The following PIN1 variants were observed in gnomAD, a reference collection of about 807,000 sequenced individuals.
The protein encoded by PIN1 is peptidylprolyl cis/trans isomerase, NIMA-interacting 1.
Under a neutral mutation model 19.9 loss-of-function variants are expected in PIN1, and 8 were observed. The observed-to-expected ratio is 0.40, with a 90% CI of 0.24 to 0.72. The LOEUF is 0.72. Among genes scored for constraint, PIN1 ranks in the 30% least tolerant of loss-of-function variants. PIN1 has a pLI of 0.37. For synonymous variants in PIN1, 86 were observed against 90.8 expected (o/e 0.95, Z 0.30); for missense variants, 185 against 226.5 (o/e 0.82, Z 1.18).
intron 2 of PIN1, among the ~76,000 whole-genome samples, chr19:9,847,109 CCTG>C (rs938606770): frequency 1.3e-5 from 2 of 152,124 alleles, no homozygotes; most frequent in African/African-American, 4.8e-5. Flanking sequence ...AGCCATTCCT[CCTG>C]ACCTGGCACG....
rs2046238797 is a variant in PIN1 at position 9,848,033 on chromosome 19, A to G, written c.275A>G (p.Tyr92Cys). Residue 92 changes from tyrosine to cysteine, a missense_variant, in exon 3 of 4, where the codon TAC becomes TGC. Coordinates refer to ENST00000247970, the MANE Select transcript of PIN1 (RefSeq NM_006221.4). ...KEEALELING[Y>C]IQKIKSGEED... ...CCATTCCGTTCCATGTCCACAGGCT[A>G]CATCCAGAAGATCAAGTCGGGAGAG... 2 of 1,601,154 alleles carry G rather than the reference A, an allele frequency of 1.2e-6. No homozygotes were observed. Among genetic ancestry groups the G allele is most frequent in the Non-Finnish European group, 1.7e-6 (2 of 1,168,462 alleles).
At chr19:9,848,302 G>A in intron 3 of PIN1, 162 bp downstream of exon 3, 1 of 627,980 alleles carries the variant, frequency 1.6e-6, no homozygotes, top group South Asian at 1.8e-5. Context: ...CTGCTCTGCT[G>A]GGCAGGGCCA....
Position 9,849,136 on chromosome 19 carries a change from G to T in PIN1, c.429G>T (p.Thr143=), listed in dbSNP as rs756093290. The stretch of plus-strand genomic sequence containing the variant: ...AAGACGCCTCGTTTGCGCTGCGGAC[G>T]GGGGAGATGAGCGGGCCCGTGTTCA... ...PFEDASFALR[T]GEMSGPVFTD... Residue 143 remains threonine (T), a synonymous_variant, in exon 4 of 4, where the codon ACG becomes ACT. Transcript: ENST00000247970. 6.2e-7 allele frequency: 1 copy of T among 1,613,630 alleles called. No individual in the cohort carries two copies. The highest frequency in any genetic ancestry group is 1.1e-5 in the South Asian group (1 of 91,074).
rs146070893 is a variant in PIN1 at position 9,843,524 on chromosome 19, G to C, written c.272-4506G>C. Among the ~76,000 whole-genome samples, 345 of 152,354 alleles carry C rather than the reference G, an allele frequency of 2.3e-3. 1 individual carries two copies. The highest frequency in any genetic ancestry group is 2.7e-3 in the South Asian group (13 of 4,830). ...CTAGGTCACTGATGTGCATTAGCTTGGACTGTTGTAACAAAATATCACAGA... is the reference window on the plus strand; with the variant it reads ...CTAGGTCACTGATGTGCATTAGCTTCGACTGTTGTAACAAAATATCACAGA... On this transcript the variant is annotated intron_variant, in intron 2 of 3. Transcript: ENST00000247970.
intron 1 of PIN1, chr19:9,837,311 G>A (rs1279616191): frequency 3.0e-5 from 5 of 165,324 alleles, no homozygotes; most frequent in South Asian, 2.6e-4. Context: ...CTGCCACCAC[G>A]TCTGGCTAAT....
At chr19:9,839,427 A>AG (rs970998086) in intron 2 of PIN1, among the ~76,000 whole-genome samples, 1 of 152,000 alleles carries the variant, frequency 6.6e-6, no homozygotes, top group African/African-American at 2.4e-5. Context: ...AAAAAAAAAA[A>AG]AAAAAAGAGG....
rs762849503 is a variant in PIN1 at position 9,849,448 on chromosome 19, G to A, written c.*249G>A. Reference sequence around the variant, plus strand: ...AAGGAATTGACTTCAGCAGGGGTGGGAGGCTCCCAGACCCAGGGCAGTGTG... The same window carrying A: ...AAGGAATTGACTTCAGCAGGGGTGGAAGGCTCCCAGACCCAGGGCAGTGTG... On this transcript the variant is annotated 3_prime_UTR_variant, in exon 4 of 4. Transcript: ENST00000247970. 8.2e-6 allele frequency: 6 copies of A among 731,216 alleles called. No homozygotes were observed. Among genetic ancestry groups the A allele is most frequent in the Non-Finnish European group, 1.5e-5 (6 of 396,164 alleles). The allele number at this position is 731,216 out of a possible 1,614,324, so 45.3% of individuals were successfully genotyped here.
intron 3 of PIN1, 47 bp from the exon 4 acceptor site, chr19:9,849,043 T>G (rs1219353633): frequency 7.6e-7 from 1 of 1,315,042 alleles, no homozygotes; most frequent in Non-Finnish European, 1.1e-6. Flanking sequence ...CATCCTGGCC[T>G]CTGCCAGCCC....
chr19:9,846,984 C>A lies in PIN1; in HGVS notation c.272-1046C>A, dbSNP rs962901770. ...CTTGCTGGGGCTGTCGCACCACTGG[C>A]CTAGGGAGGACACTGGAAGGGACGC... On this transcript the variant is annotated intron_variant, in intron 2 of 3. Transcript: ENST00000247970. This position sits in a 1 kb window ranked among gnomAD's most constrained non-coding sequence, Gnocchi z 5.9. Among the ~76,000 whole-genome samples the A allele has an allele frequency of 6.6e-6, 1 of 152,058 alleles. No homozygotes were observed. The highest frequency in any genetic ancestry group is 2.4e-5 in the African/African-American group (1 of 41,394).
intron 2 of PIN1, among the ~76,000 whole-genome samples, chr19:9,847,175 C>A (rs2046227084): frequency 6.6e-6 from 1 of 152,112 alleles, no homozygotes; most frequent in Non-Finnish European, 1.5e-5. Context: ...CCACACACAC[C>A]ACGTGCACAC....
chr19:9,836,896 T>C, intron 1 of PIN1: 4 of 1,264,126 alleles, frequency 3.2e-6, no homozygotes, highest in Non-Finnish European at 4.1e-6. Context: ...CGTTTTGCCA[T>C]CTATACAATA....
chr19:9,835,464 C>T (rs1006100071), intron 1 of PIN1, 62 bp downstream of exon 1: 2 of 1,202,884 alleles, frequency 1.7e-6, no homozygotes, highest in Non-Finnish European at 1.1e-6. Flanking sequence ...GGCTCGAGCT[C>T]GCCCCTTGGG....
At chr19:9,844,289 A>G (rs2046197559) in intron 2 of PIN1, among the ~76,000 whole-genome samples, 1 of 152,188 alleles carries the variant, frequency 6.6e-6, no homozygotes, top group Non-Finnish European at 1.5e-5. Flanking sequence ...ACTCCTTGGA[A>G]CAGGCTCCAA....
At chr19:9,842,754 C>T (rs751634998) in intron 2 of PIN1, among the ~76,000 whole-genome samples, 25 of 152,320 alleles carry the variant, frequency 1.6e-4, no homozygotes, top group Non-Finnish European at 3.1e-4. Context: ...TGTGCAGTGT[C>T]GGCGCAGGCA....
Position 9,849,082 on chromosome 19 carries a change from G to T in PIN1, c.383-8G>T, listed in dbSNP as rs1186603884. The T allele has an allele frequency of 1.9e-6, 3 of 1,606,018 alleles. No individual in the cohort carries two copies. Among genetic ancestry groups the T allele is most frequent in the Middle Eastern group, 1.7e-4 (1 of 6,050 alleles). On this transcript the variant is annotated splice_polypyrimidine_tract_variant and splice_region_variant and intron_variant, in intron 3 of 3. Coordinates refer to ENST00000247970, the MANE Select transcript of PIN1 (RefSeq NM_006221.4). ...CCTGACACCCCCACCGCCCCTCCTG[G>T]CTCCCAGGTCAGATGCAGAAGCCAT...
chr19:9,848,197 A>G (rs2046240903), intron 3 of PIN1, 57 bp downstream of exon 3: 6 of 1,067,546 alleles, frequency 5.6e-6, no homozygotes, highest in Non-Finnish European at 8.7e-6. Context: ...TGAGGGGTAG[A>G]GGCCAGGAGG....
In PIN1 at chr19:9,849,657, C is replaced by A. The variant is rs748806899; in HGVS notation, c.*458C>A. ...TCTGAGCAACTGTGCAGCACCCTTTCACCCCCAATTAAACCCAGAACCACT... is the reference window on the plus strand; with the variant it reads ...TCTGAGCAACTGTGCAGCACCCTTTAACCCCCAATTAAACCCAGAACCACT... On this transcript the variant is annotated 3_prime_UTR_variant, in exon 4 of 4. Transcript: ENST00000247970. 1 of 518,214 alleles carries A rather than the reference C, an allele frequency of 1.9e-6. No individual in the cohort carries two copies. The highest frequency in any genetic ancestry group is 3.8e-6 in the Non-Finnish European group (1 of 260,694). 32.1% of individuals were successfully genotyped at this position (518,214 alleles called of 1,614,324 possible). A position where few individuals can be genotyped will look rare whatever the true frequency, so the allele number is the denominator to read the frequency against.
At chr19:9,843,864 A>G (rs1454636733) in intron 2 of PIN1, among the ~76,000 whole-genome samples, 2 of 152,082 alleles carry the variant, frequency 1.3e-5, no homozygotes, top group Non-Finnish European at 1.5e-5. Context: ...CCTGGCCAAC[A>G]TGGTAAAACT....
chr19:9,842,966 CCA>C (rs2046183292), intron 2 of PIN1, among the ~76,000 whole-genome samples: 1 of 152,264 alleles, frequency 6.6e-6, no homozygotes, highest in South Asian at 2.1e-4. Context: ...GCCGGGACCT[CCA>C]CATTTTCTGC....
Sources: gnomAD v4.1 joint callset for allele counts (sites outside exome capture counted in the v4.1 genomes callset) on GRCh38, gnomAD v4.1.1 for gene constraint, Gnocchi (gnomAD v3.1) non-coding constraint, MANE v1.5 for transcripts, NCBI Gene and HGNC (gene_info 2026-07-23, HGNC 2026-07-21) for gene names.